Variants in COL23A1 observed in about 807,000 individuals in gnomAD.
COL23A1 encodes the protein collagen type XXIII alpha 1 chain, also known as collagen alpha-1(XXIII) chain.
A neutral mutation model predicts 99.3 loss-of-function variants in COL23A1; 97 were observed. The ratio of observed to expected loss-of-function variants is 0.98; its 90% CI spans 0.83 to 1.16. COL23A1 has a LOEUF of 1.16. Ranked by LOEUF, COL23A1 falls within the 50% of genes most tolerant of loss-of-function variation. COL23A1 has a pLI of 0.00. For synonymous variants in COL23A1, 320 were observed against 308.2 expected, an observed-to-expected ratio of 1.04 and a Z score of -0.40; for missense variants, 762 against 757.4, an observed-to-expected ratio of 1.01 and a Z score of -0.07.
chr5:178,379,566 T>C (rs569327202), intron 2 of COL23A1, among the ~76,000 whole-genome samples: 10 of 152,172 alleles, frequency 6.6e-5, no homozygotes, highest in Admixed American at 2.0e-4. Context: ...CTGTAATTAA[T>C]AGAGAAAAAC....
Position 178,439,756 on chromosome 5 carries a change from A to G in COL23A1, c.361+120926T>C, listed in dbSNP as rs2127836218. 6.6e-6 allele frequency: 1 copy of G among 152,388 alleles called. No homozygotes were observed. The highest frequency in any genetic ancestry group is 2.4e-5 in the African/African-American group (1 of 41,594). The allele number at this position is 152,388 out of a possible 1,614,324, so 9.4% of individuals were successfully genotyped here. On this transcript the variant is annotated intron_variant, in intron 2 of 28. Transcript: ENST00000390654. The surrounding 1 kb of genome is among the most constrained non-coding windows in gnomAD (Gnocchi z 4.2). ...CCATACAACTCAGATGCAAATGCTCATAGAAGCGTTCTTCAAAATAGCCCC... is the reference window on the plus strand; with the variant it reads ...CCATACAACTCAGATGCAAATGCTCGTAGAAGCGTTCTTCAAAATAGCCCC...
rs1213159263 is a variant in COL23A1 at position 178,578,414 on chromosome 5, G to A, written c.294+11490C>T. Among the ~76,000 whole-genome samples, 3 of 152,158 alleles carry A rather than the reference G, an allele frequency of 2.0e-5. No homozygotes were observed. The East Asian group carries it at 5.8e-4, about 29-fold the overall frequency. The stretch of plus-strand genomic sequence containing the variant: ...CACAAGCCTGGTCTGAAAGGAGGCT[G>A]CAGGAGGTAATATAACCGCCCAAGC... On this transcript the variant is annotated intron_variant, in intron 1 of 28. Transcript: ENST00000390654.
intron 2 of COL23A1, among the ~76,000 whole-genome samples, chr5:178,530,465 A>C (rs187770122): frequency 7.2e-5 from 11 of 152,296 alleles, no homozygotes; most frequent in Admixed American, 4.6e-4. Flanking sequence ...TGTTTCAAAA[A>C]AAAAGGCAGA....
intron 1 of COL23A1, among the ~76,000 whole-genome samples, chr5:178,581,459 G>A (rs1294791300): frequency 6.6e-6 from 1 of 151,868 alleles, no homozygotes; most frequent in African/African-American, 2.4e-5. Context: ...CCAGCTACTC[G>A]GGAGGCTGAG....
chr5:178,292,910 G>A lies in COL23A1; in HGVS notation c.407-2541C>T, dbSNP rs778924720. On this transcript the variant is annotated intron_variant, in intron 3 of 28. Transcript: ENST00000390654. ...AAGCAAAGTAGAGAAAGTGTCTCAG[G>A]AGGGAGTGATCGCCTGTGCACAGGA... 2.0e-5 allele frequency among the ~76,000 whole-genome samples: 3 copies of A among 152,202 alleles called. No individual in the cohort carries two copies. The East Asian group carries it at 5.8e-4, about 29-fold the overall frequency.
intron 2 of COL23A1, among the ~76,000 whole-genome samples, chr5:178,397,502 T>C (rs1764215563): frequency 1.3e-5 from 2 of 152,182 alleles, no homozygotes; most frequent in African/African-American, 2.4e-5. Flanking sequence ...TACTGCCCCT[T>C]CTAACATCAG....
At chr5:178,438,520 C>A (rs2127833485) in intron 2 of COL23A1, among the ~76,000 whole-genome samples, 1 of 152,246 alleles carries the variant, frequency 6.6e-6, no homozygotes, top group African/African-American at 2.4e-5. Flanking sequence ...GCTATGGAGA[C>A]CACAGAGCAG....
chr5:178,277,756 C>A (rs753619176), intron 5 of COL23A1, among the ~76,000 whole-genome samples: 2 of 143,208 alleles, frequency 1.4e-5, no homozygotes, highest in Non-Finnish European at 3.1e-5. Context: ...GTGGTGTTTA[C>A]AGCACTGTGC....
chr5:178,267,279 A>G, intron 8 of COL23A1, 28 bp downstream of exon 8: 1 of 1,613,290 alleles, frequency 6.2e-7, no homozygotes, highest in Non-Finnish European at 8.5e-7. Context: ...CCATGTGGGC[A>G]GTGAGGGAGG....
In COL23A1 at chr5:178,310,117, TC is replaced by T. The variant is rs1758592693; in HGVS notation, c.362-3199del. ...TGAGATAGGGAGTGCCTTCCACCCT[TC>T]CTTTCCCGGACTGCGAGAAGACAGG... is the stretch of plus-strand genomic sequence containing the variant. On this transcript the variant is annotated intron_variant, in intron 2 of 28. Coordinates refer to ENST00000390654, the MANE Select transcript of COL23A1 (RefSeq NM_173465.4). This position sits in a 1 kb window ranked among gnomAD's most constrained non-coding sequence, Gnocchi z 4.3. Among the ~76,000 whole-genome samples, 1 of 152,142 alleles carries T rather than the reference TC, an allele frequency of 6.6e-6. No homozygotes were observed. The highest frequency in any genetic ancestry group is 1.5e-5 in the Non-Finnish European group (1 of 68,018).
chr5:178,445,461 CT>C (rs1767105458), intron 2 of COL23A1, among the ~76,000 whole-genome samples: 1 of 152,034 alleles, frequency 6.6e-6, no homozygotes, highest in Admixed American at 6.5e-5. Flanking sequence ...CATGTTTATT[CT>C]CCTAGATGAA....
intron 5 of COL23A1, among the ~76,000 whole-genome samples, chr5:178,283,918 T>C (rs1388358367): frequency 6.6e-6 from 1 of 152,224 alleles, no homozygotes; most frequent in East Asian, 1.9e-4. Flanking sequence ...TCCCATATGG[T>C]TCTCTAAAGA....
At chr5:178,506,396 A>C (rs1192160272) in intron 2 of COL23A1, among the ~76,000 whole-genome samples, 2 of 152,184 alleles carry the variant, frequency 1.3e-5, no homozygotes, top group African/African-American at 4.8e-5. Context: ...AGGGGACCCC[A>C]GGGTACATCT....
At chr5:178,545,822 A>C (rs533456355) in intron 2 of COL23A1, among the ~76,000 whole-genome samples, 1 of 152,298 alleles carries the variant, frequency 6.6e-6, no homozygotes, top group East Asian at 1.9e-4. Flanking sequence ...TCCCACAGGG[A>C]TACATGAACA....
intron 2 of COL23A1, among the ~76,000 whole-genome samples, chr5:178,442,740 A>C (rs575454762): frequency 5.5e-4 from 84 of 152,348 alleles, no homozygotes; most frequent in African/African-American, 1.8e-3. Context: ...TGGAGGGAGC[A>C]CAGGCGCCAA....
chr5:178,261,169 T>C (rs1581474167), intron 11 of COL23A1, among the ~76,000 whole-genome samples: 2 of 152,148 alleles, frequency 1.3e-5, no homozygotes, highest in East Asian at 3.9e-4. Context: ...TCCCAGCACT[T>C]TGGGAGGCTG....
chr5:178,574,960 A>C (rs775822723), intron 1 of COL23A1, among the ~76,000 whole-genome samples: 31 of 152,146 alleles, frequency 2.0e-4, no homozygotes, highest in African/African-American at 6.8e-4. Flanking sequence ...ATTTGCTTTC[A>C]AGTTCTTAGC....
intron 1 of COL23A1, among the ~76,000 whole-genome samples, chr5:178,574,615 T>C (rs1216441110): frequency 2.0e-5 from 3 of 152,158 alleles, no homozygotes; most frequent in Non-Finnish European, 4.4e-5. Flanking sequence ...TCAGATAACA[T>C]ACATTGTTTC....
chr5:178,434,460 T>C lies in COL23A1; in HGVS notation c.361+126222A>G, dbSNP rs1333794401. On this transcript the variant is annotated intron_variant, in intron 2 of 28. Coordinates refer to ENST00000390654, the MANE Select transcript of COL23A1 (RefSeq NM_173465.4). This position sits in a 1 kb window ranked among gnomAD's most constrained non-coding sequence, Gnocchi z 4.3. ...GGGCGGCTGTGTGACAGGCATGGAC[T>C]CTCACATGTCTGAACCTCACACCTC... is the stretch of plus-strand genomic sequence containing the variant. 6.6e-6 allele frequency among the ~76,000 whole-genome samples: 1 copy of C among 152,230 alleles called. No homozygotes were observed. Among genetic ancestry groups the C allele is most frequent in the Non-Finnish European group, 1.5e-5 (1 of 68,036 alleles).
Sources: gnomAD v4.1 joint callset for allele counts (sites outside exome capture counted in the v4.1 genomes callset) on GRCh38, gnomAD v4.1.1 for gene constraint, Gnocchi (gnomAD v3.1) non-coding constraint, MANE v1.5 for transcripts, NCBI Gene and HGNC (gene_info 2026-07-23, HGNC 2026-07-21) for gene names.